ODAD2: variants seen among roughly 807,000 people sequenced by gnomAD.
ODAD2 encodes outer dynein arm docking complex subunit 2.
ODAD2 carries 89 observed loss-of-function variants against 106.8 expected under a neutral mutation model. That is an observed-to-expected ratio of 0.83 (90% CI 0.70 to 0.99). ODAD2 has a LOEUF of 0.99. Ranked by LOEUF, ODAD2 falls within the 50% of genes least tolerant of loss-of-function variation. The pLI is 0.00. For synonymous variants in ODAD2, 404 were observed against 436.2 expected (o/e 0.93, Z 0.92); for missense variants, 1,168 against 1,238.5 (o/e 0.94, Z 0.85).
rs1425028871 is a variant in ODAD2 at position 27,921,965 on chromosome 10, G to A, written c.2495+13045C>T. On this transcript the variant is annotated intron_variant, in intron 16 of 19. Transcript: ENST00000305242. ...GTGGATAGCTTCAGCTCAGGGGTTC[G>A]AGACCCACGTGGGCAACATGGTGAA... Among the ~76,000 whole-genome samples, 5 of 151,074 alleles carry A rather than the reference G, an allele frequency of 3.3e-5. No homozygotes were observed. The East Asian group carries it at 9.7e-4, about 29-fold the overall frequency.
intron 19 of ODAD2, among the ~76,000 whole-genome samples, chr10:27,837,146 C>T (rs369952558): frequency 6.6e-6 from 1 of 152,182 alleles, no homozygotes; most frequent in Non-Finnish European, 1.5e-5. Context: ...AAGACACCAG[C>T]ATCTCGGCTG....
chr10:27,924,637 A>T (rs1292983415), intron 16 of ODAD2, among the ~76,000 whole-genome samples: 1 of 145,914 alleles, frequency 6.9e-6, no homozygotes, highest in African/African-American at 2.5e-5. Context: ...AAAAAAAAAA[A>T]AAACAGAAGA....
intron 16 of ODAD2, among the ~76,000 whole-genome samples, chr10:27,932,950 T>C (rs566328598): frequency 6.6e-6 from 1 of 152,238 alleles, no homozygotes; most frequent in South Asian, 2.1e-4. Context: ...TAAATATGTG[T>C]TTAATGTAAA....
intron 17 of ODAD2, among the ~76,000 whole-genome samples, chr10:27,872,083 G>T (rs1479699826): frequency 2.0e-5 from 3 of 152,082 alleles, no homozygotes; most frequent in Non-Finnish European, 4.4e-5. Flanking sequence ...TCCCTTGTAA[G>T]TTGGATCCCT....
chr10:27,860,883 T>C (rs746083577), intron 18 of ODAD2, 37 bp from the exon 19 acceptor site: 1 of 1,552,914 alleles, frequency 6.4e-7, no homozygotes, highest in African/African-American at 1.4e-5. Context: ...CTGTGCATTG[T>C]AATGACCCTG....
At chr10:27,841,412 T>C (rs1042533659) in intron 19 of ODAD2, among the ~76,000 whole-genome samples, 2 of 152,132 alleles carry the variant, frequency 1.3e-5, no homozygotes, top group Non-Finnish European at 2.9e-5. Flanking sequence ...ATTTTTATTT[T>C]TTTTTCGGAG....
chr10:27,987,170 G>T (rs557721723), intron 3 of ODAD2, among the ~76,000 whole-genome samples: 1 of 152,272 alleles, frequency 6.6e-6, no homozygotes, highest in African/African-American at 2.4e-5. Context: ...AAGGTAGCAG[G>T]CTTTTCATTT....
chr10:27,966,197 G>A (rs1848477401), intron 9 of ODAD2, among the ~76,000 whole-genome samples: 1 of 152,150 alleles, frequency 6.6e-6, no homozygotes, highest in Admixed American at 6.6e-5. Context: ...TCTGGACCCT[G>A]GAAGAGGGAA....
chr10:27,898,281 A>G (rs1379461997), intron 17 of ODAD2, among the ~76,000 whole-genome samples: 1 of 152,130 alleles, frequency 6.6e-6, no homozygotes, highest in African/African-American at 2.4e-5. Flanking sequence ...CTTAGTATTC[A>G]TCCTCTCTAC....
At chr10:27,986,675 A>G (rs1849891437) in intron 3 of ODAD2, among the ~76,000 whole-genome samples, 1 of 152,228 alleles carries the variant, frequency 6.6e-6, no homozygotes, top group Non-Finnish European at 1.5e-5. Flanking sequence ...TAATTCCAAT[A>G]AAGCAGGACG....
intron 19 of ODAD2, among the ~76,000 whole-genome samples, chr10:27,833,962 G>A (rs568503785): frequency 5.9e-5 from 9 of 152,312 alleles, no homozygotes; most frequent in Admixed American, 3.9e-4. Context: ...AAAGGACAGC[G>A]GTGAAGGTTC....
intron 19 of ODAD2, among the ~76,000 whole-genome samples, chr10:27,854,290 G>T (rs967952194): frequency 2.0e-5 from 3 of 152,044 alleles, no homozygotes; most frequent in Non-Finnish European, 2.9e-5. Flanking sequence ...TTTGGAAAAC[G>T]ATCTGGCAAT....
chr10:27,996,524 G>A (rs1850568370), intron 1 of ODAD2, among the ~76,000 whole-genome samples: 1 of 152,098 alleles, frequency 6.6e-6, no homozygotes, highest in Non-Finnish European at 1.5e-5. Context: ...TAGTACCTCA[G>A]AAGGAAGAAT....
intron 17 of ODAD2, among the ~76,000 whole-genome samples, chr10:27,895,179 T>C (rs1842786209): frequency 6.6e-6 from 1 of 152,208 alleles, no homozygotes; most frequent in African/African-American, 2.4e-5. Context: ...CTCATTTAAT[T>C]CTTGAGGTTT....
chr10:27,902,140 G>A (rs1843251906), intron 17 of ODAD2, among the ~76,000 whole-genome samples: 1 of 152,128 alleles, frequency 6.6e-6, no homozygotes. Context: ...TTGGAACTCA[G>A]GATTAAGAAA....
intron 17 of ODAD2, among the ~76,000 whole-genome samples, chr10:27,865,775 A>G (rs768564584): frequency 2.0e-5 from 3 of 152,250 alleles, no homozygotes; most frequent in Non-Finnish European, 2.9e-5. Flanking sequence ...CAACAAACCA[A>G]ACTAAACTCC....
chr10:27,834,935 CTA>C (rs1018182280), intron 19 of ODAD2, among the ~76,000 whole-genome samples: 3 of 151,532 alleles, frequency 2.0e-5, no homozygotes, highest in African/African-American at 7.3e-5. Context: ...CTGAGCTATC[CTA>C]TATTATGCAG....
chr10:27,907,813 ATTAG>A, intron 16 of ODAD2, 36 bp from the exon 17 acceptor site: 1 of 1,336,504 alleles, frequency 7.5e-7, no homozygotes, highest in South Asian at 1.2e-5. Flanking sequence ...ATAAACTGTC[ATTAG>A]TATGTGAAGA....
At chr10:27,835,834 G>A (rs1422567075) in intron 19 of ODAD2, 2 of 151,900 alleles carry the variant, frequency 1.3e-5, no homozygotes, top group Non-Finnish European at 1.5e-5. Context: ...GCTGAGGCAG[G>A]AGAATCACTT....
Sources: allele counts gnomAD v4.1 joint callset (sites outside exome capture counted in the v4.1 genomes callset), GRCh38; gene constraint gnomAD v4.1.1; transcripts MANE v1.5; gene names NCBI Gene and HGNC (gene_info 2026-07-23, HGNC 2026-07-21).